NFIA: variants seen among roughly 807,000 people sequenced by gnomAD.
The protein encoded by NFIA is nuclear factor 1 A-type.
Under a neutral mutation model 62.8 loss-of-function variants are expected in NFIA, and 8 were observed. The ratio of observed to expected loss-of-function variants is 0.13; its 90% confidence interval spans 0.07 to 0.23. NFIA has a LOEUF of 0.23. Among genes scored for constraint, NFIA ranks in the 10% least tolerant of loss-of-function variants. The pLI is 1.00. For synonymous variants in NFIA, 235 were observed against 238.1 expected (o/e 0.99, Z 0.12); for missense variants, 410 against 642.1 (o/e 0.64, Z 3.91).
intron 3 of NFIA, among the ~76,000 whole-genome samples, chr1:61,287,920 A>AT (rs1426571363): frequency 6.6e-6 from 1 of 152,206 alleles, no homozygotes; most frequent in Admixed American, 6.5e-5. Flanking sequence ...AACCACTGGA[A>AT]TTTAACCCAC....
intron 2 of NFIA, among the ~76,000 whole-genome samples, chr1:61,111,967 G>T (rs1184953115): frequency 2.6e-5 from 4 of 152,096 alleles, no homozygotes; most frequent in Non-Finnish European, 5.9e-5. Flanking sequence ...AATACCAGTT[G>T]TGTAGATTCC....
intron 3 of NFIA, among the ~76,000 whole-genome samples, chr1:61,312,162 T>G (rs1480227194): frequency 6.6e-6 from 1 of 152,266 alleles, no homozygotes; most frequent in African/African-American, 2.4e-5. Context: ...ATGATAAGCC[T>G]GCCTATGTAG....
chr1:61,209,974 C>T (rs1030822029), intron 2 of NFIA, among the ~76,000 whole-genome samples: 3 of 152,212 alleles, frequency 2.0e-5, no homozygotes, highest in African/African-American at 7.2e-5. Context: ...TGGTATACTT[C>T]CTTCCAGCCT....
chr1:61,370,552 C>T (rs1283349920), intron 6 of NFIA, among the ~76,000 whole-genome samples: 1 of 152,180 alleles, frequency 6.6e-6, no homozygotes, highest in African/African-American at 2.4e-5. Flanking sequence ...TAATTGGCTT[C>T]CCTCTTCAGA....
intron 2 of NFIA, among the ~76,000 whole-genome samples, chr1:61,167,923 G>C: frequency 6.6e-6 from 1 of 152,212 alleles, no homozygotes; most frequent in Non-Finnish European, 1.5e-5. Context: ...AGTGTTGGAT[G>C]CTCTCCACAT....
chr1:61,417,221 C>G (rs1308614485), intron 9 of NFIA, among the ~76,000 whole-genome samples: 1 of 150,868 alleles, frequency 6.6e-6, no homozygotes, highest in East Asian at 1.9e-4. Context: ...AAATTATATT[C>G]TCCCATTATC....
intron 9 of NFIA, among the ~76,000 whole-genome samples, chr1:61,413,503 C>A (rs1666200232): frequency 6.6e-6 from 1 of 151,788 alleles, no homozygotes; most frequent in Non-Finnish European, 1.5e-5. Flanking sequence ...GCTCTTTCTA[C>A]TACCTCATAC....
At chr1:61,100,805 G>GCT (rs1254132472) in intron 2 of NFIA, among the ~76,000 whole-genome samples, 1 of 152,002 alleles carries the variant, frequency 6.6e-6, no homozygotes, top group Non-Finnish European at 1.5e-5. Flanking sequence ...ACATTGCCCA[G>GCT]GCTGGTCACT....
At chr1:61,093,688 T>C (rs1430474284) in intron 2 of NFIA, among the ~76,000 whole-genome samples, 1 of 152,214 alleles carries the variant, frequency 6.6e-6, no homozygotes, top group Non-Finnish European at 1.5e-5. Context: ...ATGGTAGTTC[T>C]AAGGCAGAGA....
intron 2 of NFIA, among the ~76,000 whole-genome samples, chr1:61,257,861 G>GTTTTTTTTTTTTTT (rs58077067): frequency 1.6e-4 from 20 of 126,398 alleles, no homozygotes; most frequent in South Asian, 2.7e-4. Flanking sequence ...ATGCTTAGCT[G>GTTTTTTTTTTTTTT]TTTTTTTTTT....
At position 61,141,943 on chromosome 1, in the gene NFIA, C is replaced by G. The variant is rs924108964; in HGVS notation, c.559+53263C>G. ...CCCGTGATGGTGAGGTGTTTGCGGCCATTCTACTTACAGGAACAGAATGGC... is the reference window on the plus strand; with the variant it reads ...CCCGTGATGGTGAGGTGTTTGCGGCGATTCTACTTACAGGAACAGAATGGC... On this transcript the variant is annotated intron_variant, in intron 2 of 10. Coordinates refer to ENST00000403491, the MANE Select transcript of NFIA (RefSeq NM_001134673.4). Among the ~76,000 whole-genome samples, 2 of 152,178 alleles carry G rather than the reference C, an allele frequency of 1.3e-5. 1 individual carries two copies. The highest frequency in any genetic ancestry group is 4.8e-5 in the African/African-American group (2 of 41,442).
At chr1:61,239,373 AGT>A (rs1485961041) in intron 2 of NFIA, among the ~76,000 whole-genome samples, 2 of 152,206 alleles carry the variant, frequency 1.3e-5, no homozygotes, top group East Asian at 1.9e-4. Flanking sequence ...TCTGTTAAAA[AGT>A]GTTTATTTTT....
intron 2 of NFIA, among the ~76,000 whole-genome samples, chr1:61,133,295 A>G (rs1647114780): frequency 6.6e-6 from 1 of 151,724 alleles, no homozygotes; most frequent in Non-Finnish European, 1.5e-5. Context: ...TGTTGACCTA[A>G]TGAATGCAGT....
At chr1:61,141,429 C>A (rs961924951) in intron 2 of NFIA, among the ~76,000 whole-genome samples, 2 of 145,114 alleles carry the variant, frequency 1.4e-5, no homozygotes, top group South Asian at 2.2e-4. Context: ...GGAAAAAAAA[C>A]CATGTCTTTT....
intron 2 of NFIA, among the ~76,000 whole-genome samples, chr1:61,097,228 G>A (rs1178859919): frequency 1.3e-5 from 2 of 152,048 alleles, no homozygotes; most frequent in African/African-American, 4.8e-5. Context: ...TTATATCTCT[G>A]GTAAGTGCTT....
At chr1:61,317,393 T>C (rs1374624336) in intron 3 of NFIA, among the ~76,000 whole-genome samples, 2 of 152,022 alleles carry the variant, frequency 1.3e-5, no homozygotes, top group Non-Finnish European at 2.9e-5. Context: ...CAATATGTAT[T>C]TAAAGAAGAG....
At chr1:61,335,160 C>G (rs913040533) in intron 4 of NFIA, among the ~76,000 whole-genome samples, 5 of 152,216 alleles carry the variant, frequency 3.3e-5, no homozygotes, top group Non-Finnish European at 5.9e-5. Flanking sequence ...GGGACTCACT[C>G]ACACATGGCC....
At chr1:61,262,300 T>C (rs1368672070) in intron 2 of NFIA, among the ~76,000 whole-genome samples, 1 of 152,356 alleles carries the variant, frequency 6.6e-6, no homozygotes, top group East Asian at 1.9e-4. Flanking sequence ...ACTTTGTTCA[T>C]TATGACTTCA....
At chr1:61,438,625 A>C (rs1282368546) in intron 10 of NFIA, among the ~76,000 whole-genome samples, 1 of 152,150 alleles carries the variant, frequency 6.6e-6, no homozygotes, top group African/African-American at 2.4e-5. Flanking sequence ...TTAAAGTTCA[A>C]CTAACGTCGC....
Sources: gnomAD v4.1 joint callset for allele counts (sites outside exome capture counted in the v4.1 genomes callset) on GRCh38, gnomAD v4.1.1 for gene constraint, MANE v1.5 for transcripts, NCBI Gene and HGNC (gene_info 2026-07-23, HGNC 2026-07-21) for gene names.